Variants in E2F2 observed in about 807,000 individuals in gnomAD.
E2F2 encodes transcription factor E2F2.
Under a neutral mutation model 42.2 loss-of-function variants are expected in E2F2, and 22 were observed. The ratio of observed to expected loss-of-function variants is 0.52; its 90% CI spans 0.37 to 0.74. The LOEUF is 0.74. Ranked by LOEUF, E2F2 falls within the 30% of genes least tolerant of loss-of-function variation. The probability of loss-of-function intolerance (pLI) is 0.00; values close to 1 mark genes in which losing one functional copy is unlikely to be tolerated. For synonymous variants in E2F2, 248 were observed against 251.6 expected, an observed-to-expected ratio of 0.99 and a Z score of 0.13; for missense variants, 481 against 557.8, an observed-to-expected ratio of 0.86 and a Z score of 1.39.
chr1:23,505,670 GC>G (rs1642783735), downstream of E2F2, among the ~76,000 whole-genome samples: 1 of 152,108 alleles, frequency 6.6e-6, no homozygotes, highest in Admixed American at 6.5e-5. Flanking sequence ...CTGCAACCAT[GC>G]CCGCTAATTT....
intron 3 of E2F2, 103 bp downstream of exon 3, chr1:23,521,734 C>G (rs1327295709): frequency 6.6e-7 from 1 of 1,524,570 alleles, no homozygotes; most frequent in Non-Finnish European, 8.8e-7. Context: ...GGATGTTGCT[C>G]TCAGCCCCGC....
chr1:23,518,534 G>A (rs1345065195), intron 5 of E2F2, among the ~76,000 whole-genome samples: 1 of 152,060 alleles, frequency 6.6e-6, no homozygotes, highest in Admixed American at 6.6e-5. Context: ...CTAGGAATGA[G>A]CTTAGTGCAA....
intron 3 of E2F2, 33 bp downstream of exon 3, chr1:23,521,804 T>A (rs777246533): frequency 6.2e-7 from 1 of 1,610,964 alleles, no homozygotes; most frequent in Non-Finnish European, 8.5e-7. Context: ...CAAGTACCCA[T>A]TGGAGGGTAC....
At chr1:23,519,934 C>T (rs918902949) in intron 4 of E2F2, among the ~76,000 whole-genome samples, 6 of 151,948 alleles carry the variant, frequency 3.9e-5, no homozygotes, top group African/African-American at 1.4e-4. Context: ...AAAAATTAGC[C>T]GGGTGTGGTG....
chr1:23,521,495 G>A, intron 3 of E2F2: 1 of 969,778 alleles, frequency 1.0e-6, no homozygotes, highest in Non-Finnish European at 1.2e-6. Flanking sequence ...CCAGGGGACT[G>A]CCCTAAGCTA....
chr1:23,524,102 AAC>A (rs1477330970), intron 2 of E2F2, among the ~76,000 whole-genome samples: 1,483 of 145,302 alleles, frequency 0.01, 47 homozygotes, highest in African/African-American at 0.036. Context: ...CAACAACAAC[AAC>A]AAAAAAAAAC....
At position 23,509,702 on chromosome 1, in the gene E2F2, C is replaced by A. The variant is rs1475357758; in HGVS notation, c.*178G>T. ...AGGACCACCCCTTATCCACTCCTCACCCGTACCATTCATATCTCCCCACAC... is the reference window on the plus strand; with the variant it reads ...AGGACCACCCCTTATCCACTCCTCAACCGTACCATTCATATCTCCCCACAC... On this transcript the variant is annotated 3_prime_UTR_variant, in exon 7 of 7. Coordinates refer to ENST00000361729, the MANE Select transcript of E2F2 (RefSeq NM_004091.4). The A allele has an allele frequency of 1.3e-5, 16 of 1,274,376 alleles. No homozygotes were observed. Among genetic ancestry groups the A allele is most frequent in the South Asian group, 2.0e-5 (1 of 49,720 alleles). The allele number at this position is 1,274,376 out of a possible 1,614,324, so 78.9% of individuals were successfully genotyped here. A position where few individuals can be genotyped will look rare whatever the true frequency, so the allele number is the denominator to read the frequency against.
intron 6 of E2F2, among the ~76,000 whole-genome samples, chr1:23,511,240 CT>C (rs943231231): frequency 3.6e-3 from 523 of 145,224 alleles, no homozygotes; most frequent in Middle Eastern, 7.2e-3. Context: ...TCGCCGCCTT[CT>C]TTTTTTTTTT....
chr1:23,521,861 T>G lies in E2F2; in HGVS notation c.554A>C (p.Lys185Thr). ...CACCCACTGGATGTTGTTCTTGGCC[T>G]TCTTGCGGATGAGCTGGATGCCTTC... ...VLEGIQLIRK[K>T]AKNNIQWVGR... The change falls in exon 3 of 7, where the codon AAG becomes ACG. Residue 185 changes from lysine (K) to threonine (T), a missense_variant. Coordinates refer to ENST00000361729, the MANE Select transcript of E2F2 (RefSeq NM_004091.4). 6.2e-7 allele frequency: 1 copy of G among 1,614,022 alleles called. No individual in the cohort carries two copies. Among genetic ancestry groups the G allele is most frequent in the Non-Finnish European group, 8.5e-7 (1 of 1,179,998 alleles).
In E2F2 at chr1:23,510,168, G is replaced by T. The variant is rs1217901892; in HGVS notation, c.1046-20C>A. On this transcript the variant is annotated intron_variant, in intron 6 of 6. Transcript: ENST00000361729. Reference sequence around the variant, plus strand: ...CTGGCACTGGAGACAAACAGACAAAGGTTACGCCTGGCCCTAGCATCCAAC... The same window carrying T: ...CTGGCACTGGAGACAAACAGACAAATGTTACGCCTGGCCCTAGCATCCAAC... 1.3e-6 allele frequency: 2 copies of T among 1,561,742 alleles called. No individual in the cohort carries two copies. The highest frequency in any genetic ancestry group is 2.3e-5 in the East Asian group (1 of 43,294).
chr1:23,525,930 C>T (rs775450960), intron 1 of E2F2, among the ~76,000 whole-genome samples: 5 of 152,148 alleles, frequency 3.3e-5, no homozygotes, highest in Non-Finnish European at 5.9e-5. Flanking sequence ...AGGGCTGAGA[C>T]TTCTAACTGC....
Position 23,508,484 on chromosome 1 carries a change from C to T in E2F2, c.*1396G>A, listed in dbSNP as rs1642843753. On this transcript the variant is annotated 3_prime_UTR_variant, in exon 7 of 7. Coordinates refer to ENST00000361729, the MANE Select transcript of E2F2 (RefSeq NM_004091.4). ...GGTTCAGCCCAGAGCACCCACATCCCAGGGTGGGTGGGGGAGAAGAGCAGC... is the reference window on the plus strand; with the variant it reads ...GGTTCAGCCCAGAGCACCCACATCCTAGGGTGGGTGGGGGAGAAGAGCAGC... 6.6e-6 allele frequency: 1 copy of T among 152,238 alleles called. No homozygotes were observed. The highest frequency in any genetic ancestry group is 1.5e-5 in the Non-Finnish European group (1 of 68,156). The allele number at this position is 152,238 out of a possible 1,614,324, so 9.4% of individuals were successfully genotyped here.
In E2F2 at chr1:23,522,465, GCA is replaced by G. The variant is rs1454518767; in HGVS notation, c.359-411_359-410del. On this transcript the variant is annotated intron_variant, in intron 2 of 6. Transcript: ENST00000361729. ...CCATTTTATAGATGAGAATACTGAG[GCA>G]CAGTTTAAGTAATTTGCTCAGCTCA... 3.9e-5 allele frequency among the ~76,000 whole-genome samples: 6 copies of G among 152,156 alleles called. No individual in the cohort carries two copies. In the East Asian group the frequency reaches 9.6e-4, roughly 24 times the overall value.
rs1291847042 is a variant in E2F2, at chr1:23,508,599, T to C, written c.*1281A>G. On this transcript the variant is annotated 3_prime_UTR_variant, in exon 7 of 7. Transcript: ENST00000361729. ...CCTCAGGACCCCAGGCCTGCAGAGG[T>C]AACATGAGTTCCTCTCCCCATTAGC... 1 of 152,156 alleles carries C rather than the reference T, an allele frequency of 6.6e-6. No individual in the cohort carries two copies. The highest frequency in any genetic ancestry group is 2.4e-5 in the African/African-American group (1 of 41,394). 9.4% of individuals were successfully genotyped at this position (152,156 alleles called of 1,614,324 possible). A position where few individuals can be genotyped will look rare whatever the true frequency, so the allele number is the denominator to read the frequency against.
At chr1:23,505,713 CTG>C (rs1397946451), downstream of E2F2, among the ~76,000 whole-genome samples, 3 of 152,104 alleles carry the variant, frequency 2.0e-5, no homozygotes, top group East Asian at 1.9e-4. Context: ...CGGGGTTTCA[CTG>C]TGTTAGCCAG....
intron 6 of E2F2, among the ~76,000 whole-genome samples, chr1:23,510,796 G>A (rs890811895): frequency 6.6e-6 from 1 of 152,184 alleles, no homozygotes; most frequent in South Asian, 2.1e-4. Context: ...GCAGAGAGGG[G>A]AATGGGGAAT....
intron 4 of E2F2, among the ~76,000 whole-genome samples, chr1:23,519,614 A>C (rs1191592870): frequency 6.6e-6 from 1 of 152,210 alleles, no homozygotes; most frequent in East Asian, 1.9e-4. Flanking sequence ...AACAAGTAAA[A>C]ATATGGGAAA....
intron 1 of E2F2, among the ~76,000 whole-genome samples, chr1:23,528,518 A>AGACT (rs892076058): frequency 6.6e-6 from 1 of 152,114 alleles, no homozygotes; most frequent in Admixed American, 6.5e-5. Flanking sequence ...TGCTGCAAGG[A>AGACT]GACTCCCCTG....
chr1:23,517,710 GATTAA>G (rs1265103295), intron 5 of E2F2, among the ~76,000 whole-genome samples: 3 of 152,236 alleles, frequency 2.0e-5, no homozygotes, highest in African/African-American at 4.8e-5. Context: ...AGCAAATGGA[GATTAA>G]ATTAAAGGCA....
Sources: gnomAD v4.1 joint callset for allele counts (sites outside exome capture counted in the v4.1 genomes callset) on GRCh38, gnomAD v4.1.1 for gene constraint, MANE v1.5 for transcripts, NCBI Gene and HGNC (gene_info 2026-07-23, HGNC 2026-07-21) for gene names.